The following SNX13 variants were observed in gnomAD, a reference collection of about 807,000 sequenced individuals.
SNX13 encodes the protein sorting nexin 13.
Under a neutral mutation model 133.6 loss-of-function variants are expected in SNX13, and 45 were observed. The ratio of observed to expected loss-of-function variants is 0.34; its 90% CI spans 0.27 to 0.43. The LOEUF is 0.43. Among genes scored for constraint, SNX13 ranks in the 20% least tolerant of loss-of-function variants. SNX13 has a pLI of 1.00. For synonymous variants in SNX13, 414 were observed against 373.9 expected (o/e 1.11, Z -1.24); for missense variants, 1,032 against 1,145.1 (o/e 0.90, Z 1.43).
chr7:17,869,724 G>C (rs1246563828), intron 8 of SNX13, among the ~76,000 whole-genome samples: 2 of 152,048 alleles, frequency 1.3e-5, no homozygotes, highest in African/African-American at 4.8e-5. Flanking sequence ...AGTCTGAAAT[G>C]ACAAAAAATT....
In SNX13 at chr7:17,869,609, G is replaced by A. The variant is rs929917974; in HGVS notation, c.754-1119C>T. On this transcript the variant is annotated intron_variant, in intron 8 of 25. Coordinates refer to ENST00000428135, the MANE Select transcript of SNX13 (RefSeq NM_015132.5). Reference sequence around the variant, plus strand: ...ACTGTACAAGTCTCTTTTGTAAGCTGTACAAGTCTCTGCCAACTATTACCC... The same window carrying A: ...ACTGTACAAGTCTCTTTTGTAAGCTATACAAGTCTCTGCCAACTATTACCC... Among the ~76,000 whole-genome samples, 5 of 152,058 alleles carry A rather than the reference G, an allele frequency of 3.3e-5. No individual in the cohort carries two copies. The South Asian group carries it at 6.2e-4, about 19-fold the overall frequency.
intron 10 of SNX13, 90 bp from the exon 11 acceptor site, chr7:17,850,525 C>T: frequency 1.4e-6 from 1 of 735,082 alleles, no homozygotes; most frequent in Non-Finnish European, 2.1e-6. Flanking sequence ...ACAAAATAAC[C>T]AATAATACAG....
Position 17,861,462 on chromosome 7 carries a change from G to A in SNX13, c.837+6945C>T, listed in dbSNP as rs140234896. Among the ~76,000 whole-genome samples the A allele has an allele frequency of 2.3e-3, 352 of 151,864 alleles. 1 individual carries two copies. The highest frequency in any genetic ancestry group is 8.1e-3 in the African/African-American group (334 of 41,374). On this transcript the variant is annotated intron_variant, in intron 9 of 25. Coordinates refer to ENST00000428135, the MANE Select transcript of SNX13 (RefSeq NM_015132.5). ...GATGGTCCACAGCTGTCACACTAAC[G>A]TAATCATTGGTCACAGGCACCAGAA...
chr7:17,922,579 A>C (rs1451731586), intron 1 of SNX13, among the ~76,000 whole-genome samples: 1 of 152,242 alleles, frequency 6.6e-6, no homozygotes, highest in African/African-American at 2.4e-5. Flanking sequence ...TTTTTTCTTC[A>C]GTGAACATCT....
At chr7:17,892,584 T>C (rs763031902) in intron 3 of SNX13, among the ~76,000 whole-genome samples, 3 of 151,968 alleles carry the variant, frequency 2.0e-5, no homozygotes, top group Non-Finnish European at 2.9e-5. Flanking sequence ...ATTAAAAAAT[T>C]TGTTTATCAA....
intron 1 of SNX13, among the ~76,000 whole-genome samples, chr7:17,938,678 A>G (rs2128057194): frequency 6.6e-6 from 1 of 152,368 alleles, no homozygotes; most frequent in South Asian, 2.1e-4. Flanking sequence ...AGAAGCTGAG[A>G]AAGCTCCATC....
intron 1 of SNX13, among the ~76,000 whole-genome samples, chr7:17,938,000 C>T (rs555910156): frequency 3.9e-4 from 59 of 152,174 alleles, no homozygotes; most frequent in Non-Finnish European, 7.2e-4. Flanking sequence ...TAAATCACAT[C>T]TCCTAAAAGC....
At chr7:17,915,775 T>A (rs1354195466) in intron 1 of SNX13, among the ~76,000 whole-genome samples, 1 of 152,198 alleles carries the variant, frequency 6.6e-6, no homozygotes, top group African/African-American at 2.4e-5. Context: ...CAAAAAATCC[T>A]TAAGTTAATT....
At chr7:17,798,565 G>C in intron 24 of SNX13, 125 bp downstream of exon 24, 1 of 646,278 alleles carries the variant, frequency 1.5e-6, no homozygotes, top group Non-Finnish European at 2.7e-6. Context: ...AAGTCTTTTT[G>C]CTCATCAATG....
intron 9 of SNX13, among the ~76,000 whole-genome samples, chr7:17,864,789 AG>A (rs1793167175): frequency 2.0e-5 from 3 of 149,704 alleles, no homozygotes; most frequent in Middle Eastern, 3.4e-3. Flanking sequence ...AAGGAGGAGA[AG>A]GGGGAGGGGA....
At chr7:17,920,143 C>T (rs1445659169) in intron 1 of SNX13, among the ~76,000 whole-genome samples, 1 of 152,084 alleles carries the variant, frequency 6.6e-6, no homozygotes, top group African/African-American at 2.4e-5. Flanking sequence ...AATAAGATCG[C>T]TATACGCAAA....
intron 9 of SNX13, chr7:17,868,169 G>T: frequency 2.5e-6 from 1 of 400,468 alleles, no homozygotes. Flanking sequence ...TTTTTTTAAA[G>T]AAATAGTAGT....
At chr7:17,865,876 T>C (rs1429597632) in intron 9 of SNX13, among the ~76,000 whole-genome samples, 3 of 151,728 alleles carry the variant, frequency 2.0e-5, no homozygotes, top group African/African-American at 4.8e-5. Context: ...GTGCCAAAAA[T>C]ACACATTGGG....
Position 17,842,380 on chromosome 7 carries a change from G to C in SNX13, c.1166-2380C>G, listed in dbSNP as rs77719270. On this transcript the variant is annotated intron_variant, in intron 12 of 25. Coordinates refer to ENST00000428135, the MANE Select transcript of SNX13 (RefSeq NM_015132.5). ...CTGGCAAAACTATACTTCAAAATGAGAGAGAAGTAAGGATTCCCAGATAAA... is the reference window on the plus strand; with the variant it reads ...CTGGCAAAACTATACTTCAAAATGACAGAGAAGTAAGGATTCCCAGATAAA... Among the ~76,000 whole-genome samples, 21 of 152,058 alleles carry C rather than the reference G, an allele frequency of 1.4e-4. 1 individual carries two copies. In the East Asian group the frequency reaches 3.9e-3, roughly 28 times the overall value.
intron 1 of SNX13, among the ~76,000 whole-genome samples, chr7:17,904,175 T>C (rs1179947860): frequency 2.6e-5 from 4 of 152,224 alleles, no homozygotes; most frequent in African/African-American, 9.7e-5. Context: ...AAGATATTTA[T>C]GATAGGAAAG....
intron 1 of SNX13, among the ~76,000 whole-genome samples, chr7:17,938,996 A>G (rs1428448031): frequency 2.0e-5 from 3 of 152,254 alleles, no homozygotes; most frequent in African/African-American, 4.8e-5. Context: ...GAATTTAGAA[A>G]TATAAAATGA....
At chr7:17,916,680 C>CAA (rs746287593) in intron 1 of SNX13, among the ~76,000 whole-genome samples, 2 of 140,566 alleles carry the variant, frequency 1.4e-5, no homozygotes, top group African/African-American at 2.6e-5. Context: ...ACGTATCAAC[C>CAA]AAAAAAAAAA....
At position 17,799,172 on chromosome 7, in the gene SNX13, A is replaced by C; in HGVS notation, c.2299-18T>G. The stretch of plus-strand genomic sequence containing the variant: ...TCATCCACCTGACAAAATATAAGAA[A>C]TAAGAATAAGTTTGAGTTAGCTATC... On this transcript the variant is annotated intron_variant, in intron 22 of 25. Coordinates refer to ENST00000428135, the MANE Select transcript of SNX13 (RefSeq NM_015132.5). 1 of 1,579,752 alleles carries C rather than the reference A, an allele frequency of 6.3e-7. No homozygotes were observed. Among genetic ancestry groups the C allele is most frequent in the Non-Finnish European group, 8.6e-7 (1 of 1,164,898 alleles).
chr7:17,839,873 G>A lies in SNX13; in HGVS notation c.1293C>T (p.Thr431=), dbSNP rs752195336. The change falls in exon 13 of 26, where the codon ACC becomes ACT. Residue 431 remains threonine, a synonymous_variant. Transcript: ENST00000428135. ...LSRQRDGKHQ[T]NQTKGLLRAA... ...CTCTTAAAAGACCTTTGGTTTGGTT[G>A]GTTTGATGTTTTCCATCTCTCTGAC... The A allele has an allele frequency of 2.5e-6, 4 of 1,611,640 alleles. No homozygotes were observed. The highest frequency in any genetic ancestry group is 3.4e-6 in the Non-Finnish European group (4 of 1,178,568).
Sources: gnomAD v4.1 joint callset for allele counts (sites outside exome capture counted in the v4.1 genomes callset) on GRCh38, gnomAD v4.1.1 for gene constraint, MANE v1.5 for transcripts, NCBI Gene and HGNC (gene_info 2026-07-23, HGNC 2026-07-21) for gene names.